Variants in METTL15 observed in about 807,000 individuals in gnomAD.
METTL15 encodes the protein methyltransferase 15, mitochondrial 12S rRNA N4-cytidine, also known as 12S rRNA N(4)-cytidine methyltransferase METTL15.
Under a neutral mutation model 38.3 loss-of-function variants are expected in METTL15, and 34 were observed. That is an observed-to-expected ratio of 0.89 (90% CI 0.68 to 1.18). The LOEUF (loss-of-function observed/expected upper bound fraction) is 1.18. Ranked by LOEUF, METTL15 falls within the 50% of genes most tolerant of loss-of-function variation. METTL15 has a pLI of 0.00. For synonymous variants in METTL15, 162 were observed against 170.9 expected, an observed-to-expected ratio of 0.95 and a Z score of 0.41; for missense variants, 438 against 498.4, an observed-to-expected ratio of 0.88 and a Z score of 1.15.
chr11:28,252,793 A>C (rs1183693280), intron 4 of METTL15, among the ~76,000 whole-genome samples: 2 of 151,814 alleles, frequency 1.3e-5, no homozygotes, highest in Admixed American at 6.6e-5. Flanking sequence ...TATAAAAAAA[A>C]CTCCTTAATA....
intron 3 of METTL15, among the ~76,000 whole-genome samples, chr11:28,181,306 G>A (rs1198813199): frequency 1.5e-5 from 2 of 136,292 alleles, no homozygotes; most frequent in East Asian, 2.1e-4. Context: ...CATGCAGAAC[G>A]TGCAGGTTTG....
In METTL15 at chr11:28,290,413, G is replaced by T. The variant is rs765081914; in HGVS notation, c.599+16G>T. On this transcript the variant is annotated intron_variant, in intron 5 of 6. Coordinates refer to ENST00000407364, the MANE Select transcript of METTL15 (RefSeq NM_001113528.2). ...ATGGTGGCAGGTGAGTATTCATAAA[G>T]CATTTCATCTCACAACAAGAAATCA... is the stretch of plus-strand genomic sequence containing the variant. 5 of 1,580,330 alleles carry T rather than the reference G, an allele frequency of 3.2e-6. No individual in the cohort carries two copies. The East Asian group carries it at 6.8e-5, about 21-fold the overall frequency.
intron 2 of METTL15, among the ~76,000 whole-genome samples, chr11:28,112,885 C>T (rs956213580): frequency 2.0e-5 from 3 of 152,098 alleles, no homozygotes; most frequent in African/African-American, 7.2e-5. Flanking sequence ...AAATAGAAGA[C>T]CATCTGAATC....
At chr11:28,339,107 T>C (rs1020108959) in intron 3 of METTL15, among the ~76,000 whole-genome samples, 1 of 152,120 alleles carries the variant, frequency 6.6e-6, no homozygotes, top group African/African-American at 2.4e-5. Context: ...GCCCTTGAAG[T>C]TGGATTAAAT....
At chr11:28,155,627 G>A (rs1850238113) in intron 3 of METTL15, among the ~76,000 whole-genome samples, 1 of 152,168 alleles carries the variant, frequency 6.6e-6, no homozygotes, top group Non-Finnish European at 1.5e-5. Flanking sequence ...AGGTTTGTGT[G>A]AAGGCCAAGG....
intron 6 of METTL15, among the ~76,000 whole-genome samples, chr11:28,443,980 G>T (rs1016809993): frequency 6.6e-6 from 1 of 152,020 alleles, no homozygotes; most frequent in Non-Finnish European, 1.5e-5. Context: ...ATTACATTTT[G>T]CTTTTTTCAC....
At chr11:28,206,359 T>C (rs1001156506) in intron 3 of METTL15, among the ~76,000 whole-genome samples, 1 of 152,174 alleles carries the variant, frequency 6.6e-6, no homozygotes, top group African/African-American at 2.4e-5. Flanking sequence ...ATTTATTAAA[T>C]GGGGAATCCT....
chr11:28,329,998 A>T (rs189587052), intron 6 of METTL15, among the ~76,000 whole-genome samples: 1 of 151,960 alleles, frequency 6.6e-6, no homozygotes, highest in Non-Finnish European at 1.5e-5. Context: ...TTTTGTTGTT[A>T]TCTTTGGCTG....
At chr11:28,136,992 G>A (rs888834110) in intron 3 of METTL15, among the ~76,000 whole-genome samples, 3 of 151,600 alleles carry the variant, frequency 2.0e-5, no homozygotes, top group African/African-American at 7.3e-5. Context: ...TCACCCTTAC[G>A]TTAGTCTGCT....
chr11:28,372,009 A>G (rs561973438), intron 5 of METTL15, among the ~76,000 whole-genome samples: 1 of 152,060 alleles, frequency 6.6e-6, no homozygotes, highest in African/African-American at 2.4e-5. Flanking sequence ...TTCTAGTGAG[A>G]ACTTACAGTA....
At chr11:28,483,671 T>C (rs544601902) in intron 6 of METTL15, among the ~76,000 whole-genome samples, 2 of 152,176 alleles carry the variant, frequency 1.3e-5, no homozygotes, top group African/African-American at 4.8e-5. Context: ...ATGGGCAATA[T>C]GTCAATAAAT....
At chr11:28,277,529 C>T (rs1855889500) in intron 4 of METTL15, among the ~76,000 whole-genome samples, 1 of 152,026 alleles carries the variant, frequency 6.6e-6, no homozygotes, top group Admixed American at 6.6e-5. Flanking sequence ...GAAACCCCGT[C>T]TCTACTAAAC....
chr11:28,189,882 A>C (rs1319183671), intron 3 of METTL15, among the ~76,000 whole-genome samples: 2 of 151,288 alleles, frequency 1.3e-5, no homozygotes, highest in Admixed American at 6.6e-5. Flanking sequence ...TCATTGTGAT[A>C]GTACTTAGTT....
downstream of METTL15, among the ~76,000 whole-genome samples, chr11:28,338,391 C>T (rs1400410849): frequency 1.3e-5 from 2 of 152,146 alleles, no homozygotes; most frequent in African/African-American, 2.4e-5. Flanking sequence ...AGGCCCAACA[C>T]CCTAATCACC....
chr11:28,243,335 C>T (rs1854380313), intron 4 of METTL15, among the ~76,000 whole-genome samples: 1 of 152,014 alleles, frequency 6.6e-6, no homozygotes, highest in South Asian at 2.1e-4. Flanking sequence ...TTTTCCTTAG[C>T]AATAGAAGTT....
intron 6 of METTL15, among the ~76,000 whole-genome samples, chr11:28,445,004 AT>A (rs1851063673): frequency 6.6e-6 from 1 of 152,002 alleles, no homozygotes; most frequent in Non-Finnish European, 1.5e-5. Flanking sequence ...TCCTGAGAGG[AT>A]GGGGTTAGAG....
chr11:28,439,329 C>T (rs1419675703), intron 6 of METTL15, among the ~76,000 whole-genome samples: 2 of 152,176 alleles, frequency 1.3e-5, no homozygotes, highest in African/African-American at 4.8e-5. Flanking sequence ...CACTAACCTT[C>T]CTGCTAGCAA....
intron 6 of METTL15, among the ~76,000 whole-genome samples, chr11:28,497,270 G>T (rs745539617): frequency 5.3e-5 from 8 of 152,148 alleles, no homozygotes; most frequent in Non-Finnish European, 1.2e-4. Flanking sequence ...TTTGCTTCAT[G>T]CACAAATATT....
At chr11:28,369,637 A>G (rs190936179) in intron 5 of METTL15, among the ~76,000 whole-genome samples, 13 of 152,302 alleles carry the variant, frequency 8.5e-5, no homozygotes, top group Non-Finnish European at 1.5e-4. Context: ...TTATATAATC[A>G]AGGTGCTGAA....
Sources: gnomAD v4.1 joint callset for allele counts (sites outside exome capture counted in the v4.1 genomes callset) on GRCh38, gnomAD v4.1.1 for gene constraint, MANE v1.5 for transcripts, NCBI Gene and HGNC (gene_info 2026-07-23, HGNC 2026-07-21) for gene names.